LHFPL4: variants seen among roughly 807,000 people sequenced by gnomAD.
LHFPL4 encodes the protein LHFPL tetraspan subfamily member 4 protein.
LHFPL4 carries 6 observed loss-of-function variants against 20.0 expected under a neutral mutation model. That is an observed-to-expected ratio of 0.30 (90% confidence interval 0.16 to 0.59). The LOEUF is 0.59. Ranked by LOEUF, LHFPL4 falls within the 20% of genes least tolerant of loss-of-function variation. The pLI is 0.88. For missense variants in LHFPL4, 215 were observed against 331.2 expected (o/e 0.65, Z 2.72); for synonymous variants, 129 against 143.8 (o/e 0.90, Z 0.74).
intron 2 of LHFPL4, among the ~76,000 whole-genome samples, chr3:9,534,309 G>C (rs1292178458): frequency 6.6e-6 from 1 of 152,084 alleles, no homozygotes; most frequent in Non-Finnish European, 1.5e-5. Context: ...TAACTGATTA[G>C]GTATAGTGCC....
chr3:9,534,268 A>G (rs1009499172), intron 2 of LHFPL4, among the ~76,000 whole-genome samples: 1 of 152,122 alleles, frequency 6.6e-6, no homozygotes, highest in African/African-American at 2.4e-5. Context: ...ATAAGTAAAC[A>G]TTGGAAATAA....
Position 9,505,957 on chromosome 3 carries a change from G to A in LHFPL4, c.643+10C>T. 2 of 1,613,108 alleles carry A rather than the reference G, an allele frequency of 1.2e-6. No homozygotes were observed. Among genetic ancestry groups the A allele is most frequent in the South Asian group, 2.2e-5 (2 of 91,008 alleles). On this transcript the variant is annotated intron_variant, in intron 3 of 3. Transcript: ENST00000287585. Reference sequence around the variant, plus strand: ...TCCCGCCGCTGCCCCCCAGCCCACAGCACACTCGCCTTTGTTCTCCGGCTT... The same window carrying A: ...TCCCGCCGCTGCCCCCCAGCCCACAACACACTCGCCTTTGTTCTCCGGCTT...
chr3:9,542,680 G>A (rs558525795), intron 2 of LHFPL4, among the ~76,000 whole-genome samples: 8 of 151,344 alleles, frequency 5.3e-5, no homozygotes, highest in Non-Finnish European at 8.9e-5. Flanking sequence ...ATGGTGACAC[G>A]TGCCAGTAGT....
chr3:9,550,153 C>T (rs1424643041), intron 2 of LHFPL4, among the ~76,000 whole-genome samples: 1 of 152,180 alleles, frequency 6.6e-6, no homozygotes. Flanking sequence ...CCCAAGTCAG[C>T]CAAGAACCCC....
intron 1 of LHFPL4, among the ~76,000 whole-genome samples, chr3:9,553,050 A>T (rs2046567406): frequency 6.7e-6 from 1 of 149,788 alleles, no homozygotes; most frequent in Non-Finnish European, 1.5e-5. Flanking sequence ...AGCTGGTATT[A>T]CGGGAGTAGG....
At chr3:9,543,412 A>T (rs2046490346) in intron 2 of LHFPL4, among the ~76,000 whole-genome samples, 1 of 151,918 alleles carries the variant, frequency 6.6e-6, no homozygotes, top group Non-Finnish European at 1.5e-5. Flanking sequence ...GAGGAAGGAG[A>T]ATCGCAGAAC....
intron 2 of LHFPL4, among the ~76,000 whole-genome samples, chr3:9,537,763 C>A (rs530682866): frequency 6.6e-6 from 1 of 152,224 alleles, no homozygotes; most frequent in South Asian, 2.1e-4. Flanking sequence ...TCCGCCCGCC[C>A]CTTAAGGTTG....
chr3:9,512,986 TCTCA>T (rs1467400311), intron 2 of LHFPL4, among the ~76,000 whole-genome samples: 2 of 152,144 alleles, frequency 1.3e-5, no homozygotes. Flanking sequence ...GGAGACGGAG[TCTCA>T]CTCAGTCGCC....
At chr3:9,536,753 G>A (rs948323610) in intron 2 of LHFPL4, among the ~76,000 whole-genome samples, 1 of 151,958 alleles carries the variant, frequency 6.6e-6, no homozygotes, top group East Asian at 1.9e-4. Context: ...CTTGAGGCCA[G>A]GAGTTCGAGA....
At chr3:9,551,841 C>T (rs897627744) in intron 2 of LHFPL4, among the ~76,000 whole-genome samples, 6 of 152,174 alleles carry the variant, frequency 3.9e-5, no homozygotes, top group Admixed American at 6.5e-5. Context: ...AAGTGAAACA[C>T]CCAAGTTGAT....
chr3:9,501,963 A>T lies in LHFPL4; in HGVS notation c.*248T>A. The T allele has an allele frequency of 1.8e-6, 1 of 548,064 alleles. No individual in the cohort carries two copies. The highest frequency in any genetic ancestry group is 2.2e-5 in the South Asian group (1 of 46,430). The allele number at this position is 548,064 out of a possible 1,614,324, so 34.0% of individuals were successfully genotyped here. On this transcript the variant is annotated 3_prime_UTR_variant, in exon 4 of 4. Transcript: ENST00000287585. ...AGGAGAAGCCCAAGGGCCTACGCAG[A>T]TGCAGGCTCCCTTAGGTCAAATTGA...
chr3:9,518,666 G>A (rs1373529281), intron 2 of LHFPL4, among the ~76,000 whole-genome samples: 1 of 142,918 alleles, frequency 7.0e-6, no homozygotes, highest in African/African-American at 2.5e-5. Context: ...TTTCATCTAG[G>A]TTATCAAATT....
chr3:9,519,306 C>T (rs1304537507), intron 2 of LHFPL4, among the ~76,000 whole-genome samples: 2 of 151,730 alleles, frequency 1.3e-5, no homozygotes, highest in Non-Finnish European at 2.9e-5. Flanking sequence ...AACTCCTGAC[C>T]TTAGGTGATC....
At chr3:9,546,309 G>A (rs1460510468) in intron 2 of LHFPL4, among the ~76,000 whole-genome samples, 1 of 129,048 alleles carries the variant, frequency 7.7e-6, no homozygotes, top group East Asian at 2.2e-4. Context: ...AGGGAGACTC[G>A]GTCTGAAAAA....
intron 2 of LHFPL4, among the ~76,000 whole-genome samples, chr3:9,525,913 A>C (rs1413186977): frequency 6.6e-6 from 1 of 152,218 alleles, no homozygotes; most frequent in African/African-American, 2.4e-5. Context: ...CTGGGGCCTG[A>C]GTCCATGCTC....
chr3:9,542,853 A>G (rs1302693311), intron 2 of LHFPL4, among the ~76,000 whole-genome samples: 1 of 151,326 alleles, frequency 6.6e-6, no homozygotes, highest in African/African-American at 2.4e-5. Context: ...TCCCATTTAT[A>G]TGAAGTGTCT....
At chr3:9,551,455 A>T (rs1172465526) in intron 2 of LHFPL4, among the ~76,000 whole-genome samples, 1 of 151,794 alleles carries the variant, frequency 6.6e-6, no homozygotes, top group Non-Finnish European at 1.5e-5. Flanking sequence ...AGGTGGGTGG[A>T]AGTGGGGGAC....
chr3:9,543,016 T>C (rs1306009647), intron 2 of LHFPL4, among the ~76,000 whole-genome samples: 2 of 152,128 alleles, frequency 1.3e-5, no homozygotes, highest in East Asian at 3.9e-4. Context: ...GTGGTCATGG[T>C]TGCATAACTC....
rs186818941 is a variant in LHFPL4, at chr3:9,506,927, T to C, written c.407-724A>G. Among the ~76,000 whole-genome samples, 81 of 152,322 alleles carry C rather than the reference T, an allele frequency of 5.3e-4. No homozygotes were observed. Among genetic ancestry groups the C allele is most frequent in the Non-Finnish European group, 9.0e-4 (61 of 68,032 alleles). On this transcript the variant is annotated intron_variant, in intron 2 of 3. Coordinates refer to ENST00000287585, the MANE Select transcript of LHFPL4 (RefSeq NM_198560.3). This position sits in a 1 kb window ranked among gnomAD's most constrained non-coding sequence, Gnocchi z 4.5. Reference sequence around the variant, plus strand: ...TTGTCCTTCACCCATCAAATGTTTATTGGGCACCATTTTCCTTTTATTCAC... The same window carrying C: ...TTGTCCTTCACCCATCAAATGTTTACTGGGCACCATTTTCCTTTTATTCAC...
Sources: allele counts gnomAD v4.1 joint callset (sites outside exome capture counted in the v4.1 genomes callset), GRCh38; gene constraint gnomAD v4.1.1; non-coding constraint Gnocchi (gnomAD v3.1); transcripts MANE v1.5; gene names NCBI Gene and HGNC (gene_info 2026-07-23, HGNC 2026-07-21).